PDCD2L: variants seen among roughly 807,000 people sequenced by gnomAD.
PDCD2L encodes uS5 assembly chaperone PDCD2L.
PDCD2L carries 44 observed loss-of-function variants against 40.4 expected under a neutral mutation model. The observed-to-expected ratio is 1.09, with a 90% confidence interval of 0.86 to 1.40. The LOEUF is 1.40. Ranked by LOEUF, PDCD2L falls within the 40% of genes most tolerant of loss-of-function variation. The probability of loss-of-function intolerance (pLI) is 0.00; values close to 1 mark genes in which losing one functional copy is unlikely to be tolerated. For missense variants in PDCD2L, 470 were observed against 453.7 expected (o/e 1.04, Z -0.33); for synonymous variants, 194 against 174.6 (o/e 1.11, Z -0.88).
chr19:34,408,404 C>T (rs1008874972), intron 3 of PDCD2L, among the ~76,000 whole-genome samples: 1 of 151,604 alleles, frequency 6.6e-6, no homozygotes, highest in Non-Finnish European at 1.5e-5. Context: ...GATCTTGGCT[C>T]ACTGCAACCT....
intron 5 of PDCD2L, among the ~76,000 whole-genome samples, chr19:34,419,850 A>G (rs2075142236): frequency 8.2e-6 from 1 of 121,902 alleles, no homozygotes; most frequent in African/African-American, 3.1e-5. Flanking sequence ...TGGTGCAGTC[A>G]TGGCTCACCG....
At position 34,410,762 on chromosome 19, in the gene PDCD2L, T is replaced by TTTTA. The variant is rs1555724388; in HGVS notation, c.686+1284_686+1287dup. Among the ~76,000 whole-genome samples, 1,312 of 146,286 alleles carry TTTTA rather than the reference T, an allele frequency of 9.0e-3. 23 individuals carry two copies. Among genetic ancestry groups the TTTTA allele is most frequent in the African/African-American group, 0.029 (1,148 of 40,004 alleles). On this transcript the variant is annotated intron_variant, in intron 4 of 6. Coordinates refer to ENST00000246535, the MANE Select transcript of PDCD2L (RefSeq NM_032346.2). ...TTGATGGTTATAAGGACTTTTTATT[T>TTTTA]TTTATTTATTTATTTATTTATTTAT...
chr19:34,414,430 G>A (rs2075117921), intron 5 of PDCD2L, among the ~76,000 whole-genome samples: 1 of 137,892 alleles, frequency 7.3e-6, no homozygotes, highest in African/African-American at 2.7e-5. Flanking sequence ...GCCCACCTCA[G>A]CCTCCCAAAG....
intron 4 of PDCD2L, among the ~76,000 whole-genome samples, chr19:34,409,979 G>A (rs2075094673): frequency 6.6e-6 from 1 of 152,212 alleles, no homozygotes; most frequent in South Asian, 2.1e-4. Flanking sequence ...TAAAATGAGA[G>A]TGATGGTGAT....
chr19:34,421,386 A>G, intron 5 of PDCD2L, 133 bp from the exon 6 acceptor site: 1 of 960,236 alleles, frequency 1.0e-6, no homozygotes, highest in East Asian at 2.4e-5. Context: ...TATGCTTTAC[A>G]GCCATGGTGC....
chr19:34,412,729 A>AG (rs1377468749), intron 4 of PDCD2L, among the ~76,000 whole-genome samples: 1 of 151,742 alleles, frequency 6.6e-6, no homozygotes, highest in Non-Finnish European at 1.5e-5. Flanking sequence ...AAAAAAAAAA[A>AG]AAATTACTTG....
At chr19:34,421,171 G>A (rs1037760682) in intron 5 of PDCD2L, among the ~76,000 whole-genome samples, 1 of 152,172 alleles carries the variant, frequency 6.6e-6, no homozygotes, top group Non-Finnish European at 1.5e-5. Flanking sequence ...TGGCCTGGGG[G>A]TCCATGGCCT....
In PDCD2L at chr19:34,423,486, A is replaced by G. The variant is rs568554526; in HGVS notation, c.946+1819A>G. Among the ~76,000 whole-genome samples, 614 of 138,148 alleles carry G rather than the reference A, an allele frequency of 4.4e-3. 5 individuals carry two copies. The highest frequency in any genetic ancestry group is 0.016 in the African/African-American group (587 of 37,360). The allele number at this position is 138,148 out of a possible 152,430, so 90.6% of individuals were successfully genotyped here. A position where few individuals can be genotyped will look rare whatever the true frequency, so the allele number is the denominator to read the frequency against. The stretch of plus-strand genomic sequence containing the variant: ...GGCATGAGCCACCGTGCCTGGACCC[A>G]GTATCTTTTTTTTTTTTTTTTTTTT... On this transcript the variant is annotated intron_variant, in intron 6 of 6. Transcript: ENST00000246535.
At chr19:34,418,236 A>T (rs1435168150) in intron 5 of PDCD2L, among the ~76,000 whole-genome samples, 1 of 152,212 alleles carries the variant, frequency 6.6e-6, no homozygotes, top group African/African-American at 2.4e-5. Flanking sequence ...GACAGTAAAC[A>T]TATTCCTCTC....
intron 3 of PDCD2L, among the ~76,000 whole-genome samples, chr19:34,405,291 C>G (rs1231727108): frequency 6.6e-6 from 1 of 151,558 alleles, no homozygotes; most frequent in Non-Finnish European, 1.5e-5. Context: ...GGATTACAGG[C>G]ATATGCCACC....
intron 4 of PDCD2L, among the ~76,000 whole-genome samples, chr19:34,412,847 C>G (rs2075110230): frequency 6.6e-6 from 1 of 151,438 alleles, no homozygotes; most frequent in Non-Finnish European, 1.5e-5. Context: ...TCACGGCTCA[C>G]CACAGCCTTG....
intron 3 of PDCD2L, among the ~76,000 whole-genome samples, chr19:34,406,459 C>T (rs2075076276): frequency 6.6e-6 from 1 of 151,530 alleles, no homozygotes; most frequent in Non-Finnish European, 1.5e-5. Context: ...CGTCTCTGCT[C>T]ACTGCAAGCT....
intron 4 of PDCD2L, among the ~76,000 whole-genome samples, chr19:34,411,987 A>T (rs564717732): frequency 6.9e-4 from 79 of 114,848 alleles, no homozygotes; most frequent in African/African-American, 1.9e-3. Flanking sequence ...TATATATAAA[A>T]TAAATAATAA....
At chr19:34,420,087 C>G (rs1050839478) in intron 5 of PDCD2L, among the ~76,000 whole-genome samples, 1 of 151,986 alleles carries the variant, frequency 6.6e-6, no homozygotes. Context: ...CAGGTTTAAG[C>G]GATTCTGCAG....
In PDCD2L at chr19:34,424,630, G is replaced by A. The variant is rs138579598; in HGVS notation, c.947-1360G>A. 3.9e-5 allele frequency among the ~76,000 whole-genome samples: 6 copies of A among 152,084 alleles called. No homozygotes were observed. The South Asian group carries it at 1.0e-3, about 26-fold the overall frequency. On this transcript the variant is annotated intron_variant, in intron 6 of 6. Transcript: ENST00000246535. ...GGCCCTCCAGCACTTGGGAGAGGCC[G>A]CATGCGCAGTGTGTTTACTGGAGTT...
At chr19:34,420,395 C>T (rs2075145120) in intron 5 of PDCD2L, among the ~76,000 whole-genome samples, 1 of 151,484 alleles carries the variant, frequency 6.6e-6, no homozygotes, top group Non-Finnish European at 1.5e-5. Flanking sequence ...CCATGGGTCT[C>T]CTTGCATTAA....
At chr19:34,408,308 A>G (rs1245858334) in intron 3 of PDCD2L, among the ~76,000 whole-genome samples, 1 of 151,878 alleles carries the variant, frequency 6.6e-6, no homozygotes, top group Non-Finnish European at 1.5e-5. Context: ...GTTCAGGTGC[A>G]GATAATTAGA....
In PDCD2L at chr19:34,424,745, A is replaced by ATTTTTTT. The variant is rs34350684; in HGVS notation, c.947-1234_947-1228dup. On this transcript the variant is annotated intron_variant, in intron 6 of 6. Transcript: ENST00000246535. ...ACCAGTTAAACTCTGCCATTTTTTC[A>ATTTTTTT]TTTTTTTTTTTTTTTTTGAGACAGA... Among the ~76,000 whole-genome samples, 3 of 130,704 alleles carry ATTTTTTT rather than the reference A, an allele frequency of 2.3e-5. 1 individual carries two copies. The highest frequency in any genetic ancestry group is 3.1e-5 in the Non-Finnish European group (2 of 63,744). The allele number at this position is 130,704 out of a possible 152,430, so 85.7% of individuals were successfully genotyped here.
intron 4 of PDCD2L, among the ~76,000 whole-genome samples, chr19:34,410,282 GC>G (rs1156349253): frequency 1.3e-5 from 2 of 152,080 alleles, no homozygotes; most frequent in Non-Finnish European, 2.9e-5. Context: ...TTTGAGTTTC[GC>G]TGTTGTTACC....
Sources: gnomAD v4.1 joint callset for allele counts (sites outside exome capture counted in the v4.1 genomes callset) on GRCh38, gnomAD v4.1.1 for gene constraint, MANE v1.5 for transcripts, NCBI Gene and HGNC (gene_info 2026-07-23, HGNC 2026-07-21) for gene names.